Variants in TUSC3 observed in about 807,000 individuals in gnomAD.
The protein encoded by TUSC3 is dolichyl-diphosphooligosaccharide--protein glycosyltransferase subunit TUSC3.
TUSC3 carries 45 observed loss-of-function variants against 44.8 expected under a neutral mutation model. That is an observed-to-expected ratio of 1.00 (90% CI 0.79 to 1.29). The LOEUF is 1.29. Among genes scored for constraint, TUSC3 ranks in the 50% most tolerant of loss-of-function variants. The probability of loss-of-function intolerance (pLI) is 0.00; values close to 1 mark genes in which losing one functional copy is unlikely to be tolerated. For missense variants in TUSC3, 519 were observed against 437.9 expected (o/e 1.19, Z -1.65); for synonymous variants, 212 against 152.9 (o/e 1.39, Z -2.85).
chr8:15,686,290 G>A (rs936674922), intron 6 of TUSC3, among the ~76,000 whole-genome samples: 7 of 151,936 alleles, frequency 4.6e-5, no homozygotes, highest in Non-Finnish European at 1.0e-4. Context: ...AACTCCCACC[G>A]TGAACAAATG....
the TUSC3 span, among the ~76,000 whole-genome samples, chr8:15,824,242 C>A: frequency 6.6e-6 from 1 of 152,274 alleles, no homozygotes; most frequent in Non-Finnish European, 1.5e-5. Flanking sequence ...TTACCTGATG[C>A]ATGAATCACT....
chr8:15,574,106 C>A (rs115907483), intron 1 of TUSC3, among the ~76,000 whole-genome samples: 1 of 152,076 alleles, frequency 6.6e-6, no homozygotes, highest in Non-Finnish European at 1.5e-5. Context: ...CAGCATTCAC[C>A]GTCAAGGGAA....
chr8:15,552,753 C>T (rs937564140), intron 1 of TUSC3, among the ~76,000 whole-genome samples: 1 of 151,480 alleles, frequency 6.6e-6, no homozygotes, highest in Non-Finnish European at 1.5e-5. Context: ...ATCCTGAAAT[C>T]GGTGGGGAGA....
intron 3 of TUSC3, among the ~76,000 whole-genome samples, chr8:15,655,186 G>C (rs1585197977): frequency 6.6e-6 from 1 of 152,162 alleles, no homozygotes; most frequent in East Asian, 1.9e-4. Flanking sequence ...TGGCTGCTAG[G>C]AAAGGCAGTC....
chr8:15,762,451 C>G (rs1245692526), intron 10 of TUSC3, among the ~76,000 whole-genome samples: 1 of 151,878 alleles, frequency 6.6e-6, no homozygotes, highest in African/African-American at 2.4e-5. Flanking sequence ...CACAGAGATC[C>G]TTTTACTGTG....
chr8:15,822,930 T>C, the TUSC3 span, among the ~76,000 whole-genome samples: 3 of 152,134 alleles, frequency 2.0e-5, no homozygotes, highest in Admixed American at 2.0e-4. Flanking sequence ...CTGTATAACA[T>C]AGTCAAGTTC....
intron 6 of TUSC3, among the ~76,000 whole-genome samples, chr8:15,687,692 C>T (rs1233712766): frequency 6.6e-6 from 1 of 152,170 alleles, no homozygotes; most frequent in Non-Finnish European, 1.5e-5. Context: ...CAATTAATTA[C>T]AACGAAGAAC....
intron 3 of TUSC3, among the ~76,000 whole-genome samples, chr8:15,658,602 A>G (rs1807274462): frequency 1.3e-5 from 2 of 151,066 alleles, no homozygotes; most frequent in African/African-American, 4.9e-5. Context: ...ATTCCTGGGC[A>G]ACAGAAATTT....
At chr8:15,617,389 A>G (rs982074186) in intron 1 of TUSC3, among the ~76,000 whole-genome samples, 5 of 151,814 alleles carry the variant, frequency 3.3e-5, no homozygotes, top group African/African-American at 9.7e-5. Flanking sequence ...CTGCCCGCCT[A>G]GGCTTCCCAA....
the TUSC3 span, among the ~76,000 whole-genome samples, chr8:15,796,454 C>T: frequency 5.3e-3 from 802 of 152,330 alleles, 7 homozygotes; most frequent in African/African-American, 0.018. Flanking sequence ...ACAAAGTTCA[C>T]CAAGGACTAT....
At chr8:15,623,554 C>T (rs1007583697) in intron 2 of TUSC3, among the ~76,000 whole-genome samples, 1 of 151,668 alleles carries the variant, frequency 6.6e-6, no homozygotes, top group African/African-American at 2.4e-5. Flanking sequence ...AATGAAGTAG[C>T]CCCCTTAAAT....
chr8:15,454,685 T>C lies in TUSC3; in HGVS notation n.92-28701T>C, dbSNP rs1800234679. On this transcript the variant is annotated intron_variant and non_coding_transcript_variant, in intron 1 of 5. Transcript: ENST00000503191. ...TGACTCAGATGGAGCCCTTACTATG[T>C]AGGTATTATGTAACTGAAATCATTT... is the stretch of plus-strand genomic sequence containing the variant. Among the ~76,000 whole-genome samples, 2 of 152,190 alleles carry C rather than the reference T, an allele frequency of 1.3e-5. 1 individual carries two copies. The highest frequency in any genetic ancestry group is 2.9e-5 in the Non-Finnish European group (2 of 68,034).
intron 1 of TUSC3, among the ~76,000 whole-genome samples, chr8:15,549,705 G>A (rs968983576): frequency 6.6e-6 from 1 of 151,554 alleles, no homozygotes; most frequent in Non-Finnish European, 1.5e-5. Flanking sequence ...TTTTCAAGGG[G>A]AGTAAAAGTT....
intron 2 of TUSC3, among the ~76,000 whole-genome samples, chr8:15,487,354 G>C (rs1381442559): frequency 6.6e-6 from 1 of 152,096 alleles, no homozygotes; most frequent in Non-Finnish European, 1.5e-5. Context: ...GTGTTCATCA[G>C]TGTTCATATT....
At chr8:15,725,465 G>A (rs1443916662) in intron 6 of TUSC3, among the ~76,000 whole-genome samples, 1 of 152,112 alleles carries the variant, frequency 6.6e-6, no homozygotes, top group African/African-American at 2.4e-5. Context: ...TTACTCACTG[G>A]CAAGAGAATT....
intron 1 of TUSC3, among the ~76,000 whole-genome samples, chr8:15,437,448 C>G (rs528633977): frequency 6.6e-6 from 1 of 152,054 alleles, no homozygotes; most frequent in Non-Finnish European, 1.5e-5. Context: ...TATTCTGTGG[C>G]TGTTATAAGT....
At chr8:15,758,680 G>C (rs1056698963) in intron 10 of TUSC3, among the ~76,000 whole-genome samples, 5 of 152,016 alleles carry the variant, frequency 3.3e-5, no homozygotes, top group African/African-American at 1.2e-4. Context: ...CTCTTCATCT[G>C]TCCCTTAGCC....
At chr8:15,451,577 C>G (rs1800197418) in intron 1 of TUSC3, among the ~76,000 whole-genome samples, 1 of 152,134 alleles carries the variant, frequency 6.6e-6, no homozygotes, top group African/African-American at 2.4e-5. Flanking sequence ...GCTCCACACC[C>G]CTTTCCCTAT....
At chr8:15,842,900 G>T in the TUSC3 span, among the ~76,000 whole-genome samples, 3 of 152,240 alleles carry the variant, frequency 2.0e-5, no homozygotes, top group Middle Eastern at 3.4e-3. Flanking sequence ...AATAATTTTT[G>T]CTCAGAAAGT....
Sources: gnomAD v4.1 joint callset for allele counts (sites outside exome capture counted in the v4.1 genomes callset) on GRCh38, gnomAD v4.1.1 for gene constraint, MANE v1.5 for transcripts, NCBI Gene and HGNC (gene_info 2026-07-23, HGNC 2026-07-21) for gene names.